VTI1A: variants seen among roughly 807,000 people sequenced by gnomAD.
The protein encoded by VTI1A is vesicle transport through interaction with t-SNAREs homolog 1A.
Under a neutral mutation model 34.9 loss-of-function variants are expected in VTI1A, and 22 were observed. The ratio of observed to expected loss-of-function variants is 0.63; its 90% CI spans 0.45 to 0.90. The LOEUF (loss-of-function observed/expected upper bound fraction) is 0.90. Among genes scored for constraint, VTI1A ranks in the 40% least tolerant of loss-of-function variants. The pLI is 0.00. For synonymous variants in VTI1A, 87 were observed against 97.3 expected (o/e 0.89, Z 0.62); for missense variants, 268 against 275.6 (o/e 0.97, Z 0.20).
chr10:112,657,620 G>A (rs1200345604), intron 5 of VTI1A, among the ~76,000 whole-genome samples: 7 of 152,086 alleles, frequency 4.6e-5, no homozygotes, highest in South Asian at 2.1e-4. Context: ...AAAATGGATC[G>A]AAGACCCAAG....
intron 7 of VTI1A, among the ~76,000 whole-genome samples, chr10:112,741,729 A>G (rs768516511): frequency 7.2e-5 from 11 of 152,156 alleles, no homozygotes; most frequent in Non-Finnish European, 1.5e-4. Flanking sequence ...AAAAATCAAC[A>G]TATCTGAACT....
At chr10:112,519,939 A>G (rs1271666443) in intron 3 of VTI1A, among the ~76,000 whole-genome samples, 1 of 152,050 alleles carries the variant, frequency 6.6e-6, no homozygotes, top group Admixed American at 6.6e-5. Flanking sequence ...TAGAGAAACT[A>G]GCATTATAGG....
intron 4 of VTI1A, among the ~76,000 whole-genome samples, chr10:112,530,236 T>C (rs551034750): frequency 6.6e-6 from 1 of 152,296 alleles, no homozygotes; most frequent in South Asian, 2.1e-4. Context: ...TTGAGTACTT[T>C]TGGGCTATCA....
chr10:112,845,686 G>C, the VTI1A span, among the ~76,000 whole-genome samples: 1 of 152,136 alleles, frequency 6.6e-6, no homozygotes, highest in Non-Finnish European at 1.5e-5. Flanking sequence ...CTCAGGACGA[G>C]CCCCAGGTTC....
chr10:112,459,404 CT>C (rs1847652640), intron 1 of VTI1A, among the ~76,000 whole-genome samples: 1 of 152,164 alleles, frequency 6.6e-6, no homozygotes, highest in South Asian at 2.1e-4. Flanking sequence ...TGCTCTAGAA[CT>C]TTGTTCTCTC....
At chr10:112,469,983 A>G (rs904208643) in intron 3 of VTI1A, among the ~76,000 whole-genome samples, 4 of 152,162 alleles carry the variant, frequency 2.6e-5, no homozygotes, top group Non-Finnish European at 5.9e-5. Flanking sequence ...CAATTGGGAA[A>G]GTGCCTCCAG....
chr10:112,524,816 G>A (rs1850163868), intron 3 of VTI1A, among the ~76,000 whole-genome samples: 1 of 152,100 alleles, frequency 6.6e-6, no homozygotes, highest in Non-Finnish European at 1.5e-5. Flanking sequence ...CCATAGTGAT[G>A]AGATGAATAA....
At chr10:112,455,042 C>T (rs1847385718) in intron 1 of VTI1A, among the ~76,000 whole-genome samples, 1 of 151,888 alleles carries the variant, frequency 6.6e-6, no homozygotes, top group African/African-American at 2.4e-5. Flanking sequence ...AAGGGGATGT[C>T]ATTTGGGGTG....
chr10:112,785,200 A>G (rs1852248168), intron 7 of VTI1A, among the ~76,000 whole-genome samples: 1 of 152,226 alleles, frequency 6.6e-6, no homozygotes, highest in Admixed American at 6.5e-5. Context: ...AAGTGGGGGC[A>G]GAGGTCCATG....
chr10:112,781,453 T>C (rs1433422744), intron 7 of VTI1A, among the ~76,000 whole-genome samples: 1 of 152,144 alleles, frequency 6.6e-6, no homozygotes, highest in Non-Finnish European at 1.5e-5. Flanking sequence ...CTAGGCACAG[T>C]GTGTGGTCCT....
intron 7 of VTI1A, among the ~76,000 whole-genome samples, chr10:112,804,800 G>A (rs1054447464): frequency 1.3e-5 from 2 of 150,590 alleles, no homozygotes; most frequent in Non-Finnish European, 2.9e-5. Flanking sequence ...ATGCCTTGTC[G>A]AAGACCACCA....
At chr10:112,588,626 G>A (rs1844253267) in intron 5 of VTI1A, among the ~76,000 whole-genome samples, 2 of 152,196 alleles carry the variant, frequency 1.3e-5, no homozygotes, top group South Asian at 4.1e-4. Flanking sequence ...ATGGTTTAAA[G>A]GCAGGCTCTT....
At chr10:112,821,336 C>T (rs957623328), downstream of VTI1A, among the ~76,000 whole-genome samples, 4 of 152,172 alleles carry the variant, frequency 2.6e-5, no homozygotes, top group South Asian at 8.3e-4. Flanking sequence ...CCCCCTCCCA[C>T]TTCCCCGGCC....
intron 5 of VTI1A, among the ~76,000 whole-genome samples, chr10:112,654,794 A>G (rs971387405): frequency 1.3e-5 from 2 of 151,998 alleles, no homozygotes; most frequent in Admixed American, 1.3e-4. Context: ...TTCTTTTTAT[A>G]CTTTTCTCCA....
chr10:112,570,631 G>T (rs1852084169), intron 5 of VTI1A, among the ~76,000 whole-genome samples: 1 of 152,234 alleles, frequency 6.6e-6, no homozygotes, highest in African/African-American at 2.4e-5. Flanking sequence ...TCAAAGTAGA[G>T]TGTTGCTCAC....
At chr10:112,570,794 G>A (rs999471868) in intron 5 of VTI1A, among the ~76,000 whole-genome samples, 14 of 152,172 alleles carry the variant, frequency 9.2e-5, no homozygotes, top group Non-Finnish European at 1.5e-4. Flanking sequence ...ATTTTCCCAC[G>A]TTCCTCCTTC....
At chr10:112,544,125 T>A (rs530572661) in intron 5 of VTI1A, among the ~76,000 whole-genome samples, 2 of 152,368 alleles carry the variant, frequency 1.3e-5, no homozygotes, top group African/African-American at 4.8e-5. Flanking sequence ...CACCTCGTGC[T>A]TTGTTCTTTT....
At chr10:112,667,771 T>C (rs1337203940) in intron 5 of VTI1A, among the ~76,000 whole-genome samples, 2 of 152,118 alleles carry the variant, frequency 1.3e-5, no homozygotes, top group African/African-American at 4.8e-5. Context: ...TTATGCAGGG[T>C]GAATACACTA....
intron 3 of VTI1A, among the ~76,000 whole-genome samples, chr10:112,483,706 A>G (rs76846052): frequency 0.081 from 12,346 of 152,164 alleles, 559 homozygotes; most frequent in South Asian, 0.15. Flanking sequence ...AGATATTCCA[A>G]ATATCCCGTT....
Sources: gnomAD v4.1 joint callset for allele counts (sites outside exome capture counted in the v4.1 genomes callset) on GRCh38, gnomAD v4.1.1 for gene constraint, MANE v1.5 for transcripts, NCBI Gene and HGNC (gene_info 2026-07-23, HGNC 2026-07-21) for gene names.